The following NDST3 variants were observed in gnomAD, a reference collection of about 807,000 sequenced individuals.
The protein encoded by NDST3 is N-deacetylase and N-sulfotransferase 3.
NDST3 carries 58 observed loss-of-function variants against 96.1 expected under a neutral mutation model. The ratio of observed to expected loss-of-function variants is 0.60; its 90% CI spans 0.49 to 0.75. NDST3 has a LOEUF of 0.75. Ranked by LOEUF, NDST3 falls within the 30% of genes least tolerant of loss-of-function variation. NDST3 has a pLI of 0.00. For synonymous variants in NDST3, 333 were observed against 359.7 expected, an observed-to-expected ratio of 0.93 and a Z score of 0.84; for missense variants, 788 against 1,034.2, an observed-to-expected ratio of 0.76 and a Z score of 3.27.
intron 6 of NDST3, among the ~76,000 whole-genome samples, chr4:118,219,589 G>T (rs1385401266): frequency 6.6e-6 from 1 of 152,082 alleles, no homozygotes; most frequent in Non-Finnish European, 1.5e-5. Context: ...AACCCTAGAA[G>T]AAAACCTAGG....
At chr4:118,101,007 A>G (rs1729720008) in intron 2 of NDST3, among the ~76,000 whole-genome samples, 1 of 152,180 alleles carries the variant, frequency 6.6e-6, no homozygotes, top group Non-Finnish European at 1.5e-5. Context: ...ACTATAAAAT[A>G]TTAACTCTAA....
At chr4:118,118,084 T>C (rs751080266) in intron 4 of NDST3, among the ~76,000 whole-genome samples, 1 of 152,152 alleles carries the variant, frequency 6.6e-6, no homozygotes, top group Non-Finnish European at 1.5e-5. Context: ...AGTTACAGAA[T>C]CCACTTTAAT....
chr4:118,060,066 T>C (rs1000319250), intron 2 of NDST3, among the ~76,000 whole-genome samples: 1 of 152,120 alleles, frequency 6.6e-6, no homozygotes, highest in Admixed American at 6.6e-5. Context: ...AATCAAGGTA[T>C]ACCAACACAA....
chr4:118,240,963 T>G (rs2126006504), intron 11 of NDST3, among the ~76,000 whole-genome samples: 1 of 152,330 alleles, frequency 6.6e-6, no homozygotes, highest in African/African-American at 2.4e-5. Flanking sequence ...ATTCTTATCC[T>G]GAGAATAAAG....
At chr4:118,119,366 C>T (rs1188131871) in intron 4 of NDST3, among the ~76,000 whole-genome samples, 1 of 152,086 alleles carries the variant, frequency 6.6e-6, no homozygotes, top group Non-Finnish European at 1.5e-5. Flanking sequence ...TGCTTGCCAG[C>T]TAGAGAATGA....
chr4:118,174,754 A>T (rs571585455), intron 6 of NDST3, among the ~76,000 whole-genome samples: 1 of 152,226 alleles, frequency 6.6e-6, no homozygotes, highest in South Asian at 2.1e-4. Context: ...TGACTCTTTG[A>T]GCCTAGAAAG....
chr4:118,251,130 AT>A (rs35077679), intron 12 of NDST3, among the ~76,000 whole-genome samples: 5,580 of 125,964 alleles, frequency 0.044, 182 homozygotes, highest in African/African-American at 0.1. Flanking sequence ...TTTTTATTTT[AT>A]TTTTTTTTTT....
At chr4:118,209,860 A>G (rs1738674274) in intron 6 of NDST3, among the ~76,000 whole-genome samples, 1 of 152,208 alleles carries the variant, frequency 6.6e-6, no homozygotes, top group Non-Finnish European at 1.5e-5. Flanking sequence ...AGTGATGACT[A>G]AGGCACGAGC....
chr4:118,112,314 A>G (rs1175733693), intron 3 of NDST3, among the ~76,000 whole-genome samples: 3 of 152,324 alleles, frequency 2.0e-5, no homozygotes, highest in Non-Finnish European at 4.4e-5. Context: ...AAAAACATGA[A>G]TAAAGGGAAG....
intron 6 of NDST3, among the ~76,000 whole-genome samples, chr4:118,160,882 T>A (rs1240138524): frequency 6.6e-6 from 1 of 152,138 alleles, no homozygotes; most frequent in African/African-American, 2.4e-5. Flanking sequence ...TCAAAGTCAT[T>A]CTCCGTCCAG....
chr4:118,037,513 G>A (rs981036605), intron 1 of NDST3, among the ~76,000 whole-genome samples: 3 of 152,056 alleles, frequency 2.0e-5, no homozygotes, highest in African/African-American at 4.8e-5. Context: ...TCCTTTAACC[G>A]TTATACTACA....
At chr4:118,088,236 TTAAAA>T (rs1409927068) in intron 2 of NDST3, among the ~76,000 whole-genome samples, 2 of 152,082 alleles carry the variant, frequency 1.3e-5, no homozygotes, top group Non-Finnish European at 2.9e-5. Flanking sequence ...GGATACCGTC[TTAAAA>T]TAATCACTAT....
intron 8 of NDST3, among the ~76,000 whole-genome samples, chr4:118,227,381 AGTCCCTTAG>A (rs1436077984): frequency 2.0e-5 from 3 of 152,134 alleles, no homozygotes; most frequent in Non-Finnish European, 2.9e-5. Context: ...CTAGAAAAAT[AGTCCCTTAG>A]GCTGCCATTT....
chr4:118,151,541 TA>T (rs1289410593), intron 6 of NDST3, among the ~76,000 whole-genome samples: 11 of 152,134 alleles, frequency 7.2e-5, no homozygotes, highest in Admixed American at 7.2e-4. Context: ...AGGATTGACC[TA>T]GGGGCTCTAC....
chr4:118,063,725 T>C (rs1436402418), intron 2 of NDST3, among the ~76,000 whole-genome samples: 1 of 152,130 alleles, frequency 6.6e-6, no homozygotes, highest in Admixed American at 6.5e-5. Flanking sequence ...AAAACAAAGA[T>C]TATAAGCAGC....
chr4:118,256,596 C>T lies in NDST3; in HGVS notation c.*884C>T, dbSNP rs767810649. ...TGTGAATCTATCCCAGTAGTCCTCA[C>T]TAGTTCTACAGAAATGCATGCCTAG... On this transcript the variant is annotated 3_prime_UTR_variant, in exon 14 of 14. Transcript: ENST00000296499. 1 of 152,164 alleles carries T rather than the reference C, an allele frequency of 6.6e-6. No individual in the cohort carries two copies. Among genetic ancestry groups the T allele is most frequent in the African/African-American group, 2.4e-5 (1 of 41,442 alleles). The allele number at this position is 152,164 out of a possible 1,614,324, so 9.4% of individuals were successfully genotyped here. A position where few individuals can be genotyped will look rare whatever the true frequency, so the allele number is the denominator to read the frequency against.
At chr4:118,202,401 G>C (rs1738148072) in intron 6 of NDST3, among the ~76,000 whole-genome samples, 1 of 152,150 alleles carries the variant, frequency 6.6e-6, no homozygotes, top group Non-Finnish European at 1.5e-5. Flanking sequence ...TCTTTAACTT[G>C]CTTTGGACAG....
intron 1 of NDST3, among the ~76,000 whole-genome samples, chr4:118,046,801 G>A (rs1429795178): frequency 6.6e-6 from 1 of 152,184 alleles, no homozygotes; most frequent in South Asian, 2.1e-4. Context: ...ACTGAGAGGG[G>A]TGAGATGCCT....
At chr4:118,057,777 G>C (rs1228891095) in intron 2 of NDST3, among the ~76,000 whole-genome samples, 1 of 152,028 alleles carries the variant, frequency 6.6e-6, no homozygotes, top group Non-Finnish European at 1.5e-5. Context: ...AGTTGACTAA[G>C]GGGGTCAAGA....
Sources: gnomAD v4.1 joint callset for allele counts (sites outside exome capture counted in the v4.1 genomes callset) on GRCh38, gnomAD v4.1.1 for gene constraint, MANE v1.5 for transcripts, NCBI Gene and HGNC (gene_info 2026-07-23, HGNC 2026-07-21) for gene names.